CAB39L: variants seen among roughly 807,000 people sequenced by gnomAD.
The protein encoded by CAB39L is calcium-binding protein 39-like.
A neutral mutation model predicts 39.1 loss-of-function variants in CAB39L; 23 were observed. The ratio of observed to expected loss-of-function variants is 0.59; its 90% CI spans 0.42 to 0.83. The LOEUF (loss-of-function observed/expected upper bound fraction) is 0.83. Ranked by LOEUF, CAB39L falls within the 40% of genes least tolerant of loss-of-function variation. CAB39L has a pLI of 0.00. For synonymous variants in CAB39L, 126 were observed against 137.2 expected, an observed-to-expected ratio of 0.92 and a Z score of 0.57; for missense variants, 366 against 391.9, an observed-to-expected ratio of 0.93 and a Z score of 0.56.
Position 49,339,662 on chromosome 13 carries a change from GA to G in CAB39L, c.690+14del. On this transcript the variant is annotated intron_variant, in intron 9 of 10. Coordinates refer to ENST00000409308, the MANE Select transcript of CAB39L (RefSeq NM_001079670.3). ...AAACTTACGGGGACACTGACTTAAA[GA>G]AATTTGATATTACCTTTAAAGACTG... 1 of 1,559,166 alleles carries G rather than the reference GA, an allele frequency of 6.4e-7. No individual in the cohort carries two copies. Among genetic ancestry groups the G allele is most frequent in the African/African-American group, 1.4e-5 (1 of 72,586 alleles).
intron 3 of CAB39L, among the ~76,000 whole-genome samples, chr13:49,400,533 A>G (rs1956746725): frequency 6.6e-6 from 1 of 152,074 alleles, no homozygotes; most frequent in Non-Finnish European, 1.5e-5. Flanking sequence ...AGCTTGGTAT[A>G]AACTGTAAGA....
At position 49,308,770 on chromosome 13, in the gene CAB39L, C is replaced by A. The variant is rs1194755086; in HGVS notation, c.*2044G>T. The A allele has an allele frequency of 6.6e-6, 1 of 152,460 alleles. No homozygotes were observed. Among genetic ancestry groups the A allele is most frequent in the Non-Finnish European group, 1.5e-5 (1 of 67,990 alleles). 9.4% of individuals were successfully genotyped at this position (152,460 alleles called of 1,614,324 possible). A position where few individuals can be genotyped will look rare whatever the true frequency, so the allele number is the denominator to read the frequency against. On this transcript the variant is annotated 3_prime_UTR_variant, in exon 11 of 11. Coordinates refer to ENST00000409308, the MANE Select transcript of CAB39L (RefSeq NM_001079670.3). The stretch of plus-strand genomic sequence containing the variant: ...ACAGTGAACTTTGTGCAAACAAATC[C>A]CCCTTTGTGCAAAGGGGGAGCTTCC...
chr13:49,371,290 C>CCTCCCAAGTAGCTAG (rs1566096730), intron 5 of CAB39L, among the ~76,000 whole-genome samples: 1 of 149,984 alleles, frequency 6.7e-6, no homozygotes, highest in African/African-American at 2.5e-5. Flanking sequence ...TGGGTTCAAG[C>CCTCCCAAGTAGCTAG]GATTCTCCTG....
intron 10 of CAB39L, among the ~76,000 whole-genome samples, chr13:49,314,586 C>T (rs915683471): frequency 2.0e-5 from 3 of 152,120 alleles, no homozygotes; most frequent in Admixed American, 1.3e-4. Flanking sequence ...TCACAACAGC[C>T]CTGAAGTATA....
At chr13:49,432,918 T>A (rs760233164) in intron 3 of CAB39L, among the ~76,000 whole-genome samples, 29 of 152,214 alleles carry the variant, frequency 1.9e-4, no homozygotes, top group Non-Finnish European at 5.9e-5. Flanking sequence ...CTAGTCCTCA[T>A]CCTGCTCCTT....
At chr13:49,326,007 A>G (rs2138370291) in intron 10 of CAB39L, among the ~76,000 whole-genome samples, 1 of 152,250 alleles carries the variant, frequency 6.6e-6, no homozygotes, top group African/African-American at 2.4e-5. Context: ...TCTTGTTTTG[A>G]AGGGAATAGC....
At chr13:49,377,267 A>G in intron 4 of CAB39L, 136 bp from the exon 5 acceptor site, 1 of 492,108 alleles carries the variant, frequency 2.0e-6, no homozygotes, top group Non-Finnish European at 3.5e-6. Flanking sequence ...GTTACAAACA[A>G]ACAAAAACAG....
intron 5 of CAB39L, among the ~76,000 whole-genome samples, chr13:49,366,891 C>A (rs1289456761): frequency 6.6e-6 from 1 of 152,074 alleles, no homozygotes; most frequent in East Asian, 1.9e-4. Context: ...TGGTGCATGC[C>A]TGTAATCCCA....
chr13:49,372,126 T>A (rs1420884780), intron 5 of CAB39L, among the ~76,000 whole-genome samples: 2 of 152,152 alleles, frequency 1.3e-5, no homozygotes, highest in Non-Finnish European at 2.9e-5. Context: ...TCAAAGAGTC[T>A]AAAGCTGTGT....
At chr13:49,331,747 T>G (rs540965096) in intron 10 of CAB39L, among the ~76,000 whole-genome samples, 200 bp downstream of exon 10, 18 of 152,256 alleles carry the variant, frequency 1.2e-4, no homozygotes, top group African/African-American at 4.3e-4. Flanking sequence ...AATATTTAGA[T>G]GTATGGATTA....
intron 7 of CAB39L, among the ~76,000 whole-genome samples, chr13:49,345,799 T>G (rs538797020): frequency 6.6e-6 from 1 of 152,018 alleles, no homozygotes; most frequent in East Asian, 1.9e-4. Context: ...TCAACTATCG[T>G]CAGCCTTGAA....
intron 8 of CAB39L, among the ~76,000 whole-genome samples, chr13:49,341,796 T>A (rs1418862423): frequency 6.6e-6 from 1 of 152,214 alleles, no homozygotes; most frequent in Non-Finnish European, 1.5e-5. Context: ...ATTACCCTGA[T>A]GTGATCGTTA....
At chr13:49,421,324 G>A (rs989246099) in intron 3 of CAB39L, among the ~76,000 whole-genome samples, 7 of 152,174 alleles carry the variant, frequency 4.6e-5, no homozygotes, top group South Asian at 2.1e-4. Context: ...AACTCCACCC[G>A]ACCCCCACCA....
chr13:49,327,766 A>G (rs1954547337), intron 10 of CAB39L, among the ~76,000 whole-genome samples: 1 of 152,224 alleles, frequency 6.6e-6, no homozygotes. Flanking sequence ...AACTCTATTT[A>G]TTTTAACCCA....
chr13:49,333,305 C>A (rs1472918052), intron 9 of CAB39L, among the ~76,000 whole-genome samples: 1 of 152,150 alleles, frequency 6.6e-6, no homozygotes, highest in Non-Finnish European at 1.5e-5. Flanking sequence ...TAACCTAACA[C>A]CTTCTGGAAA....
At chr13:49,312,752 C>A (rs1954032906) in intron 10 of CAB39L, among the ~76,000 whole-genome samples, 1 of 152,204 alleles carries the variant, frequency 6.6e-6, no homozygotes, top group Non-Finnish European at 1.5e-5. Context: ...TCATATTTGA[C>A]TTTGTTTTAC....
At chr13:49,408,435 G>A (rs74073708) in intron 3 of CAB39L, among the ~76,000 whole-genome samples, 5,573 of 152,256 alleles carry the variant, frequency 0.037, 145 homozygotes, top group East Asian at 0.13. Context: ...AAAACAGACT[G>A]GAGCAATATA....
chr13:49,429,590 T>A (rs771215236), intron 3 of CAB39L, among the ~76,000 whole-genome samples: 2 of 152,218 alleles, frequency 1.3e-5, no homozygotes, highest in African/African-American at 4.8e-5. Flanking sequence ...AAAACATACA[T>A]ACATTTTTTA....
At chr13:49,406,485 T>C (rs1328118614) in intron 3 of CAB39L, among the ~76,000 whole-genome samples, 1 of 151,828 alleles carries the variant, frequency 6.6e-6, no homozygotes, top group Non-Finnish European at 1.5e-5. Context: ...CAGCCTGGAA[T>C]GTTCTTAACA....
Sources: allele counts gnomAD v4.1 joint callset (sites outside exome capture counted in the v4.1 genomes callset), GRCh38; gene constraint gnomAD v4.1.1; transcripts MANE v1.5; gene names NCBI Gene and HGNC (gene_info 2026-07-23, HGNC 2026-07-21).